Variants in AAGAB observed in about 807,000 individuals in gnomAD.
AAGAB encodes alpha- and gamma-adaptin-binding protein p34.
AAGAB carries 38 observed loss-of-function variants against 44.1 expected under a neutral mutation model. The observed-to-expected ratio is 0.86, with a 90% CI of 0.67 to 1.13. The LOEUF (loss-of-function observed/expected upper bound fraction) is 1.13, where lower values mean the gene tolerates loss of function less well. AAGAB is among the 50% of genes most tolerant of loss of function. AAGAB has a pLI of 0.00. For synonymous variants in AAGAB, 131 were observed against 131.8 expected, an observed-to-expected ratio of 0.99 and a Z score of 0.04; for missense variants, 450 against 373.8, an observed-to-expected ratio of 1.20 and a Z score of -1.68.
At chr15:67,237,431 T>C (rs559198707) in intron 1 of AAGAB, among the ~76,000 whole-genome samples, 3 of 152,320 alleles carry the variant, frequency 2.0e-5, no homozygotes, top group South Asian at 4.1e-4. Flanking sequence ...TCAAGACACT[T>C]CCGATAAATT....
At chr15:67,249,720 A>G (rs544266472) in intron 1 of AAGAB, among the ~76,000 whole-genome samples, 3 of 152,206 alleles carry the variant, frequency 2.0e-5, no homozygotes, top group Non-Finnish European at 4.4e-5. Context: ...AATAGTTCTG[A>G]CTGCTAAGGA....
intron 5 of AAGAB, chr15:67,226,723 CT>C (rs1211499779): frequency 1.3e-5 from 2 of 152,206 alleles, no homozygotes; most frequent in African/African-American, 4.8e-5. Flanking sequence ...TTGTGTATTA[CT>C]AACTTTTAAG....
chr15:67,202,394 C>A lies in AAGAB; in HGVS notation c.*427G>T. 6.1e-6 allele frequency: 1 copy of A among 163,480 alleles called. No homozygotes were observed. The highest frequency in any genetic ancestry group is 5.9e-5 in the Admixed American group (1 of 16,898). The allele number at this position is 163,480 out of a possible 1,614,324, so 10.1% of individuals were successfully genotyped here. The stretch of plus-strand genomic sequence containing the variant: ...CATCATAGCTCAGAGCTACAAGCTC[C>A]TTGAATGGAGAAAACCCAAATCACC... On this transcript the variant is annotated 3_prime_UTR_variant, in exon 10 of 10. Transcript: ENST00000261880.
chr15:67,241,457 A>G (rs1321033806), intron 1 of AAGAB, among the ~76,000 whole-genome samples: 1 of 152,202 alleles, frequency 6.6e-6, no homozygotes, highest in Non-Finnish European at 1.5e-5. Flanking sequence ...CTCACCCCAG[A>G]TATGAGTGTC....
intron 7 of AAGAB, among the ~76,000 whole-genome samples, chr15:67,206,454 A>ACTTT (rs1963686999): frequency 6.6e-6 from 1 of 152,172 alleles, no homozygotes; most frequent in Non-Finnish European, 1.5e-5. Context: ...TTCTCCTCAA[A>ACTTT]CTTTCACCTA....
chr15:67,215,953 CT>C (rs1279156256), intron 5 of AAGAB, among the ~76,000 whole-genome samples: 2 of 152,184 alleles, frequency 1.3e-5, no homozygotes, highest in Non-Finnish European at 2.9e-5. Context: ...GTTCTACCAC[CT>C]GGCTTTAGAT....
At chr15:67,239,093 GC>G in intron 1 of AAGAB, among the ~76,000 whole-genome samples, 1 of 152,260 alleles carries the variant, frequency 6.6e-6, no homozygotes, top group Non-Finnish European at 1.5e-5. Context: ...TTGCTAAGGG[GC>G]AAAGTACAAA....
intron 1 of AAGAB, among the ~76,000 whole-genome samples, chr15:67,238,523 T>C (rs1196941151): frequency 6.6e-6 from 1 of 152,210 alleles, no homozygotes; most frequent in East Asian, 1.9e-4. Context: ...GAAGGTGGCA[T>C]AGTAACACGT....
chr15:67,201,289 GAAA>G lies in AAGAB; in HGVS notation c.*1529_*1531del, dbSNP rs71287016. 3 of 105,290 alleles carry G rather than the reference GAAA, an allele frequency of 2.8e-5. No homozygotes were observed. The highest frequency in any genetic ancestry group is 5.6e-4 in the South Asian group (2 of 3,558). 6.5% of individuals were successfully genotyped at this position (105,290 alleles called of 1,614,324 possible). On this transcript the variant is annotated 3_prime_UTR_variant, in exon 10 of 10. Coordinates refer to ENST00000261880, the MANE Select transcript of AAGAB (RefSeq NM_024666.5). ...CTCAAAGTCTTTCAGAACAGTAAAA[GAAA>G]AAAAAAAAAAAAGGAACAAAAGGTC...
In AAGAB at chr15:67,231,879, G is replaced by A. The variant is rs373141411; in HGVS notation, c.470C>T (p.Thr157Ile). The change falls in exon 5 of 10, where the codon ACA (threonine) becomes ATA (isoleucine). Residue 157 changes from threonine (T) to isoleucine (I), a missense_variant. Coordinates refer to ENST00000261880, the MANE Select transcript of AAGAB (RefSeq NM_024666.5). ...PEEDDDFPESTGVKRIVQALN... is the reference protein window; with the variant it reads ...PEEDDDFPESIGVKRIVQALN... ...GGCTTGGACAATTCGCTTTACTCCT[G>A]TAGATTCTGGGAAGTCATCTAATCA... 3 of 1,610,660 alleles carry A rather than the reference G, an allele frequency of 1.9e-6. No individual in the cohort carries two copies. The highest frequency in any genetic ancestry group is 1.7e-5 in the Admixed American group (1 of 59,928).
chr15:67,224,993 T>C (rs1386633992), intron 5 of AAGAB, among the ~76,000 whole-genome samples: 1 of 152,256 alleles, frequency 6.6e-6, no homozygotes, highest in Non-Finnish European at 1.5e-5. Context: ...AAACACAGAC[T>C]CTTACAAGTT....
intron 5 of AAGAB, among the ~76,000 whole-genome samples, chr15:67,222,282 A>AGACACACACACACC (rs1555417911): frequency 7.2e-6 from 1 of 139,850 alleles, no homozygotes; most frequent in Non-Finnish European, 1.6e-5. Flanking sequence ...ACACACACAC[A>AGACACACACACACC]CCCTCCACCC....
At chr15:67,211,382 G>A (rs1484327290) in intron 5 of AAGAB, among the ~76,000 whole-genome samples, 1 of 152,180 alleles carries the variant, frequency 6.6e-6, no homozygotes, top group Non-Finnish European at 1.5e-5. Context: ...AAAGACAGGG[G>A]ACCAAAGTTT....
chr15:67,222,242 G>GCGCACA (rs1367738219), intron 5 of AAGAB, among the ~76,000 whole-genome samples: 6,500 of 89,916 alleles, frequency 0.072, 199 homozygotes, highest in African/African-American at 0.081. Context: ...GCGCGCGCGC[G>GCGCACA]CACACACACA....
chr15:67,206,203 G>A (rs1192645052), intron 7 of AAGAB, among the ~76,000 whole-genome samples: 1 of 152,152 alleles, frequency 6.6e-6, no homozygotes, highest in Admixed American at 6.5e-5. Flanking sequence ...AATTGGGTTT[G>A]TCAGATTGTT....
chr15:67,203,930 A>T, intron 8 of AAGAB, 114 bp downstream of exon 8: 1 of 704,836 alleles, frequency 1.4e-6, no homozygotes, highest in Middle Eastern at 2.8e-4. Context: ...GTTTCTCAAG[A>T]CAGCTGAGAC....
chr15:67,254,922 A>T (rs755165096), upstream of AAGAB: 1 of 1,613,618 alleles, frequency 6.2e-7, no homozygotes, highest in Non-Finnish European at 8.5e-7. Flanking sequence ...GAAAACCACG[A>T]CCCTGTCGGA....
At position 67,222,226 on chromosome 15, in the gene AAGAB, G is replaced by A. The variant is rs777044814; in HGVS notation, c.535+9588C>T. ...AGAACTGATTACTACATGCATGCAC[G>A]CGCACGCGCGCGCGCGCACACACAC... On this transcript the variant is annotated intron_variant, in intron 5 of 9. Transcript: ENST00000261880. Among the ~76,000 whole-genome samples the A allele has an allele frequency of 5.2e-4, 49 of 95,136 alleles. 1 individual carries two copies. Among genetic ancestry groups the A allele is most frequent in the Middle Eastern group, 5.2e-3 (1 of 194 alleles). The allele number at this position is 95,136 out of a possible 152,430, so 62.4% of individuals were successfully genotyped here.
intron 5 of AAGAB, among the ~76,000 whole-genome samples, chr15:67,213,834 G>A (rs1820780765): frequency 6.6e-6 from 1 of 152,200 alleles, no homozygotes; most frequent in South Asian, 2.1e-4. Context: ...TACTTACAAT[G>A]TTTCTTTAAT....
Sources: allele counts gnomAD v4.1 joint callset (sites outside exome capture counted in the v4.1 genomes callset), GRCh38; gene constraint gnomAD v4.1.1; transcripts MANE v1.5; gene names NCBI Gene and HGNC (gene_info 2026-07-23, HGNC 2026-07-21).